ACIN1: variants seen among roughly 807,000 people sequenced by gnomAD.
ACIN1 encodes the protein apoptotic chromatin condensation inducer 1, also known as apoptotic chromatin condensation inducer in the nucleus.
Under a neutral mutation model 146.6 loss-of-function variants are expected in ACIN1, and 16 were observed. The observed-to-expected ratio is 0.11, with a 90% CI of 0.07 to 0.17. The LOEUF (loss-of-function observed/expected upper bound fraction) is 0.17. Ranked by LOEUF, ACIN1 falls within the 10% of genes least tolerant of loss-of-function variation. The pLI, the probability that ACIN1 is intolerant of heterozygous loss-of-function variation, is 1.00. For missense variants in ACIN1, 1,357 were observed against 1,609.3 expected (o/e 0.84, Z 2.68); for synonymous variants, 569 against 582.7 (o/e 0.98, Z 0.34).
chr14:23,069,218 T>C lies in ACIN1; in HGVS notation c.2265+258A>G, dbSNP rs142164635. On this transcript the variant is annotated intron_variant, in intron 9 of 18. Transcript: ENST00000605057. ...TAGATAAAGGGCCATTATCAGACTT[T>C]CCCGTTAGTTACAAACGTCTAGAGT... 1.7e-4 allele frequency: 206 copies of C among 1,184,630 alleles called. 2 individuals are homozygous for C. In the East Asian group the frequency reaches 6.4e-3, roughly 37 times the overall value. The allele number at this position is 1,184,630 out of a possible 1,614,324, so 73.4% of individuals were successfully genotyped here.
chr14:23,083,043 T>G (rs1264767276), intron 4 of ACIN1, among the ~76,000 whole-genome samples: 1 of 149,538 alleles, frequency 6.7e-6, no homozygotes, highest in Non-Finnish European at 1.5e-5. Flanking sequence ...CCGGACTAGG[T>G]GAGATTTTTT....
At chr14:23,060,334 T>C (rs901434613) in intron 18 of ACIN1, among the ~76,000 whole-genome samples, 1 of 152,140 alleles carries the variant, frequency 6.6e-6, no homozygotes, top group African/African-American at 2.4e-5. Context: ...CCTTGGTATT[T>C]CCCTAGCTCC....
rs1566748278 is a variant in ACIN1 at position 23,079,583 on chromosome 14, A to ACGTGAG, written c.1751_1752insCTCACG (p.Arg588_Ser589dup). On this transcript the variant is annotated inframe_insertion, in exon 6 of 19. Coordinates refer to ENST00000605057, the MANE Select transcript of ACIN1 (RefSeq NM_001386863.1). ...TGCTTGATGCTGAACGAGAACGTGA[A>ACGTGAG]CGTGACCTTGATCTGGACTCTGATG... 1.9e-6 allele frequency: 3 copies of ACGTGAG among 1,613,828 alleles called. No homozygotes were observed. In the South Asian group the frequency reaches 3.3e-5, roughly 18 times the overall value.
At position 23,093,776 on chromosome 14, in the gene ACIN1, G is replaced by A. The variant is rs578061723; in HGVS notation, c.139-232C>T. Among the ~76,000 whole-genome samples the A allele has an allele frequency of 2.0e-5, 3 of 152,296 alleles. No homozygotes were observed. In the South Asian group the frequency reaches 6.2e-4, roughly 32 times the overall value. ...ACTAAATGTACAGATATAAAATGCA[G>A]GCACACAGAATCAGTGACCTGGCTA... On this transcript the variant is annotated intron_variant, in intron 1 of 18. Transcript: ENST00000605057.
At chr14:23,081,970 T>C (rs2047954796) in intron 4 of ACIN1, 134 bp from the exon 5 acceptor site, 2 of 632,806 alleles carry the variant, frequency 3.2e-6, no homozygotes, top group Admixed American at 3.4e-5. Context: ...TCGGTTTCTT[T>C]GACTTCTACA....
intron 18 of ACIN1, 62 bp downstream of exon 18, chr14:23,061,022 C>T: frequency 1.3e-6 from 2 of 1,494,114 alleles, no homozygotes; most frequent in East Asian, 2.3e-5. Context: ...CATGAATCTC[C>T]CCTCACCCTG....
intron 8 of ACIN1, chr14:23,071,589 TG>T: frequency 6.5e-7 from 1 of 1,536,956 alleles, no homozygotes. Context: ...TGTGTGCGGA[TG>T]GGGGAGGGCC....
At position 23,080,164 on chromosome 14, in the gene ACIN1, G is replaced by A. The variant is rs2047905398; in HGVS notation, c.1171C>T (p.Leu391Phe). 3 of 1,614,006 alleles carry A rather than the reference G, an allele frequency of 1.9e-6. No individual in the cohort carries two copies. The highest frequency in any genetic ancestry group is 1.7e-5 in the Admixed American group (1 of 59,990). ...GTATTAGGAGGAGATAACTGAATGA[G>A]GACAGCGGGGGCTGGGCCTTCCATG... ...EPMEGPAPAVLIQLSPPNTDA... is the reference protein window; with the variant it reads ...EPMEGPAPAVFIQLSPPNTDA... Residue 391 changes from leucine (L) to phenylalanine (F), a missense_variant, in exon 6 of 19, where the codon CTC becomes TTC. Around this residue, in one of 4 missense-constraint regions of ACIN1, gnomAD observed 771 missense variants for 746.6 expected, o/e 1.03. Coordinates refer to ENST00000605057, the MANE Select transcript of ACIN1 (RefSeq NM_001386863.1).
chr14:23,094,695 C>CAAGGAGGGGGTGGGGG, intron 1 of ACIN1: 2 of 677,106 alleles, frequency 3.0e-6, no homozygotes, highest in Non-Finnish European at 4.5e-6. Context: ...CAGATACAAA[C>CAAGGAGGGGGTGGGGG]AAGGAGGGGG....
chr14:23,065,585 G>A lies in ACIN1; in HGVS notation c.2308+381C>T, dbSNP rs919274409. 7.9e-5 allele frequency among the ~76,000 whole-genome samples: 12 copies of A among 152,150 alleles called. No individual in the cohort carries two copies. The East Asian group carries it at 1.2e-3, about 15-fold the overall frequency. ...CTAGGGTACTACAGAGGGAGACTCCGTCTCAAAAAAACAACAACAAAATAC... is the reference window on the plus strand; with the variant it reads ...CTAGGGTACTACAGAGGGAGACTCCATCTCAAAAAAACAACAACAAAATAC... On this transcript the variant is annotated intron_variant, in intron 10 of 18. Coordinates refer to ENST00000605057, the MANE Select transcript of ACIN1 (RefSeq NM_001386863.1).
Position 23,064,339 on chromosome 14 carries a change from G to A in ACIN1, c.2442+16C>T, listed in dbSNP as rs2140018519. ...AACAGGTCTCATCCTCCCTTCCCTG[G>A]CTCCTCCCACCTCACCTTTAGTGAT... On this transcript the variant is annotated intron_variant, in intron 11 of 18. Transcript: ENST00000605057. 1 of 1,614,050 alleles carries A rather than the reference G, an allele frequency of 6.2e-7. No individual in the cohort carries two copies. The highest frequency in any genetic ancestry group is 1.1e-5 in the South Asian group (1 of 91,078).
In ACIN1 at chr14:23,071,590, G is replaced by C. The variant is rs773452973; in HGVS notation, c.2124-1973C>G. ...TACCCAGCAGCCTGTGTGTGCGGATGGGGGAGGGCCTTGCTGCAGCAGGGG... is the reference window on the plus strand; with the variant it reads ...TACCCAGCAGCCTGTGTGTGCGGATCGGGGAGGGCCTTGCTGCAGCAGGGG... On this transcript the variant is annotated intron_variant, in intron 8 of 18. Transcript: ENST00000605057. 2.0e-6 allele frequency: 3 copies of C among 1,536,826 alleles called. No homozygotes were observed. In the African/African-American group the frequency reaches 4.1e-5, roughly 21 times the overall value.
At chr14:23,095,533 G>A (rs1030404627), upstream of ACIN1, 22 of 513,452 alleles carry the variant, frequency 4.3e-5, no homozygotes, top group African/African-American at 4.2e-4. Context: ...CCAGCTTAGG[G>A]TTTTCAGGAA....
chr14:23,060,994 G>T, intron 18 of ACIN1, 90 bp downstream of exon 18: 1 of 1,259,468 alleles, frequency 7.9e-7, no homozygotes, highest in Non-Finnish European at 1.2e-6. Context: ...TACTTGGGCC[G>T]ACTCACTCTC....
rs1373343993 is a variant in ACIN1, at chr14:23,061,077, C to CG, written c.3525+6_3525+7insC. The CG allele has an allele frequency of 3.1e-6, 5 of 1,613,498 alleles. No homozygotes were observed. In the South Asian group the frequency reaches 5.5e-5, roughly 18 times the overall value. ...CTAGGGAGCAGGGCACGAAGAAGAG[C>CG]ACTCACCTGGCTGTCAGTCAGTGGG... On this transcript the variant is annotated splice_region_variant and intron_variant, in intron 18 of 18. Coordinates refer to ENST00000605057, the MANE Select transcript of ACIN1 (RefSeq NM_001386863.1).
chr14:23,095,219 A>G (rs776897734), upstream of ACIN1: 5 of 1,612,668 alleles, frequency 3.1e-6, no homozygotes, highest in South Asian at 3.3e-5. Context: ...GCCATACTCT[A>G]CCCCTCGATT....
At chr14:23,062,574 C>A in intron 14 of ACIN1, 51 bp from the exon 15 acceptor site, 1 of 1,513,020 alleles carries the variant, frequency 6.6e-7, no homozygotes, top group African/African-American at 1.4e-5. Context: ...AGACCACCAC[C>A]CAATCTTTAG....
At chr14:23,069,138 G>C (rs948942224) in intron 9 of ACIN1, 2 of 1,024,618 alleles carry the variant, frequency 2.0e-6, no homozygotes, top group Non-Finnish European at 2.3e-6. Flanking sequence ...AAAGCTAAAG[G>C]AGTTACCACC....
At position 23,094,864 on chromosome 14, in the gene ACIN1, G is replaced by A. The variant is rs1482993716; in HGVS notation, c.138+111C>T. On this transcript the variant is annotated intron_variant, in intron 1 of 18. Transcript: ENST00000605057. Reference sequence around the variant, plus strand: ...CGCGCGGATCCAGAGGCTCGCGCTGGCGGCCTGAGCGAGCTCGCGCCGAGC... The same window carrying A: ...CGCGCGGATCCAGAGGCTCGCGCTGACGGCCTGAGCGAGCTCGCGCCGAGC... 9 of 1,414,574 alleles carry A rather than the reference G, an allele frequency of 6.4e-6. 1 individual carries two copies. In the Admixed American group the frequency reaches 2.2e-4, roughly 35 times the overall value. The allele number at this position is 1,414,574 out of a possible 1,614,324, so 87.6% of individuals were successfully genotyped here.
Sources: allele counts gnomAD v4.1 joint callset (sites outside exome capture counted in the v4.1 genomes callset), GRCh38; gene constraint gnomAD v4.1.1; regional missense constraint gnomAD v4.1.1; transcripts MANE v1.5; gene names NCBI Gene and HGNC (gene_info 2026-07-23, HGNC 2026-07-21).